The following TRPM3 variants were observed in gnomAD, a reference collection of about 807,000 sequenced individuals.
TRPM3 encodes long transient receptor potential channel 3.
In TRPM3, 77 loss-of-function variants were observed where a neutral mutation model predicts 181.2. The observed-to-expected ratio is 0.42, with a 90% CI of 0.35 to 0.51. The LOEUF (loss-of-function observed/expected upper bound fraction) is 0.51. Among genes scored for constraint, TRPM3 ranks in the 20% least tolerant of loss-of-function variants. The probability of loss-of-function intolerance (pLI) is 0.01; values close to 1 mark genes in which losing one functional copy is unlikely to be tolerated. For missense variants in TRPM3, 1,759 were observed against 2,196.7 expected, an observed-to-expected ratio of 0.80 and a Z score of 3.98; for synonymous variants, 745 against 796.4, an observed-to-expected ratio of 0.94 and a Z score of 1.09.
chr9:71,202,010 G>A (rs2078828607), intron 1 of TRPM3, among the ~76,000 whole-genome samples: 1 of 152,130 alleles, frequency 6.6e-6, no homozygotes, highest in Admixed American at 6.6e-5. Context: ...GGTTTTTGGT[G>A]TGGATGTCCT....
At chr9:71,111,549 G>C (rs996540201) in intron 1 of TRPM3, among the ~76,000 whole-genome samples, 9 of 152,094 alleles carry the variant, frequency 5.9e-5, no homozygotes, top group Admixed American at 6.6e-5. Flanking sequence ...CAAAGCACAG[G>C]ACAGATGTCC....
At chr9:71,010,515 C>A (rs548057273) in intron 1 of TRPM3, among the ~76,000 whole-genome samples, 126 of 152,052 alleles carry the variant, frequency 8.3e-4, no homozygotes, top group African/African-American at 2.9e-3. Context: ...TACATGAAAA[C>A]AAATGCTCAA....
At chr9:70,831,588 T>C (rs2093900762) in intron 5 of TRPM3, among the ~76,000 whole-genome samples, 2 of 152,176 alleles carry the variant, frequency 1.3e-5, no homozygotes, top group Middle Eastern at 6.8e-3. Context: ...CCAGGTTATG[T>C]ACTATCTTTG....
At chr9:70,837,337 T>TTAAACATAAGAACCCTTACAGGCTA (rs2094389315) in intron 5 of TRPM3, among the ~76,000 whole-genome samples, 1 of 152,268 alleles carries the variant, frequency 6.6e-6, no homozygotes, top group East Asian at 1.9e-4. Context: ...CACTTTCCAA[T>TTAAACATAAGAACCCTTACAGGCTA]TAAACATAAG....
intron 11 of TRPM3, 40 bp downstream of exon 11, chr9:70,639,020 G>GA (rs754719212): frequency 1.5e-5 from 24 of 1,601,730 alleles, no homozygotes; most frequent in East Asian, 6.7e-5. Context: ...AAAACAAACA[G>GA]AAAAAAAAGA....
chr9:70,697,740 A>G (rs1019329421), intron 8 of TRPM3, among the ~76,000 whole-genome samples: 2 of 151,788 alleles, frequency 1.3e-5, no homozygotes. Context: ...AAGTTTCAAG[A>G]AGAGTAATTA....
intron 1 of TRPM3, among the ~76,000 whole-genome samples, chr9:70,970,801 T>G (rs1309284530): frequency 6.6e-6 from 1 of 152,174 alleles, no homozygotes; most frequent in Non-Finnish European, 1.5e-5. Flanking sequence ...AAACATCATT[T>G]TCATCCTCAT....
Position 70,593,735 on chromosome 9 carries a change from C to T in TRPM3, c.3049-2530G>A, listed in dbSNP as rs922402075. ...ATTATTAGTGAGAACTGGGGCTGGC[C>T]TCCTTTTTTAAAGCTAAATTATCCA... is the stretch of plus-strand genomic sequence containing the variant. On this transcript the variant is annotated intron_variant, in intron 21 of 25. Coordinates refer to ENST00000677713, the MANE Select transcript of TRPM3 (RefSeq NM_001366145.2). 1.7e-4 allele frequency among the ~76,000 whole-genome samples: 25 copies of T among 151,252 alleles called. 1 individual carries two copies. The East Asian group carries it at 3.5e-3, about 21-fold the overall frequency.
At chr9:71,134,568 GA>G (rs997378654) in intron 1 of TRPM3, among the ~76,000 whole-genome samples, 6 of 121,330 alleles carry the variant, frequency 4.9e-5, no homozygotes, top group Non-Finnish European at 7.2e-5. Flanking sequence ...AAAAAAAAAG[GA>G]AAAAAAATTT....
At chr9:71,010,214 T>C (rs2097721364) in intron 1 of TRPM3, among the ~76,000 whole-genome samples, 1 of 151,678 alleles carries the variant, frequency 6.6e-6, no homozygotes. Context: ...AGGCAACAAA[T>C]GCAAAAAAGA....
At chr9:70,598,362 A>G (rs931671417) in intron 21 of TRPM3, 57 bp downstream of exon 21, 1 of 1,589,496 alleles carries the variant, frequency 6.3e-7, no homozygotes, top group Non-Finnish European at 8.6e-7. Flanking sequence ...CCCTCTATCT[A>G]TTATCACCAT....
chr9:70,839,767 A>G (rs765583564), intron 5 of TRPM3, among the ~76,000 whole-genome samples: 3 of 152,098 alleles, frequency 2.0e-5, no homozygotes, highest in Non-Finnish European at 4.4e-5. Flanking sequence ...CAGCTATTCT[A>G]TTTTTTCAAA....
At chr9:71,278,764 T>G (rs1168560462) in intron 1 of TRPM3, among the ~76,000 whole-genome samples, 1 of 152,120 alleles carries the variant, frequency 6.6e-6, no homozygotes, top group Non-Finnish European at 1.5e-5. Flanking sequence ...AGAAATAACC[T>G]GGACATGTAT....
chr9:70,898,385 G>C (rs191886118), intron 1 of TRPM3, among the ~76,000 whole-genome samples: 22 of 151,378 alleles, frequency 1.5e-4, no homozygotes, highest in African/African-American at 5.3e-4. Flanking sequence ...GCCTCCCAAA[G>C]TGCTGAGATT....
chr9:71,248,682 G>A (rs1257551920), intron 1 of TRPM3, among the ~76,000 whole-genome samples: 1 of 152,138 alleles, frequency 6.6e-6, no homozygotes, highest in East Asian at 1.9e-4. Flanking sequence ...TACTCTTGTT[G>A]TCTGCTTGAT....
At chr9:71,094,371 C>T (rs1481154924) in intron 1 of TRPM3, among the ~76,000 whole-genome samples, 2 of 152,136 alleles carry the variant, frequency 1.3e-5, no homozygotes, top group South Asian at 2.1e-4. Context: ...AAGACAAAGT[C>T]CTTCCTCTTG....
chr9:71,086,711 G>A (rs2065324320), intron 1 of TRPM3, among the ~76,000 whole-genome samples: 1 of 151,952 alleles, frequency 6.6e-6, no homozygotes, highest in Non-Finnish European at 1.5e-5. Context: ...GCTGAAAACT[G>A]TGCCTCTGCC....
At chr9:70,940,393 A>G (rs1319842239) in intron 1 of TRPM3, among the ~76,000 whole-genome samples, 2 of 152,224 alleles carry the variant, frequency 1.3e-5, no homozygotes, top group African/African-American at 4.8e-5. Flanking sequence ...TCATTAGAAT[A>G]TAAGGACGGC....
chr9:71,026,465 C>G (rs2056516408), intron 1 of TRPM3, among the ~76,000 whole-genome samples: 1 of 152,190 alleles, frequency 6.6e-6, no homozygotes, highest in Non-Finnish European at 1.5e-5. Flanking sequence ...GCTGCCTTTG[C>G]CTTCATGTAC....
Sources: allele counts gnomAD v4.1 joint callset (sites outside exome capture counted in the v4.1 genomes callset), GRCh38; gene constraint gnomAD v4.1.1; transcripts MANE v1.5; gene names NCBI Gene and HGNC (gene_info 2026-07-23, HGNC 2026-07-21).